The following TRAPPC9 variants were observed in gnomAD, a reference collection of about 807,000 sequenced individuals.
The protein encoded by TRAPPC9 is trafficking protein particle complex subunit 9, also known as IKK2 binding protein.
A neutral mutation model predicts 124.0 loss-of-function variants in TRAPPC9; 83 were observed. The ratio of observed to expected loss-of-function variants is 0.67; its 90% confidence interval spans 0.56 to 0.80. The LOEUF is 0.80. Among genes scored for constraint, TRAPPC9 ranks in the 30% least tolerant of loss-of-function variants. TRAPPC9 has a pLI of 0.00. For missense variants in TRAPPC9, 1,302 were observed against 1,508.3 expected, an observed-to-expected ratio of 0.86 and a Z score of 2.27; for synonymous variants, 638 against 617.5, an observed-to-expected ratio of 1.03 and a Z score of -0.49.
chr8:139,967,020 A>G (rs73725343), intron 19 of TRAPPC9, among the ~76,000 whole-genome samples: 2,863 of 152,346 alleles, frequency 0.019, 83 homozygotes, highest in African/African-American at 0.065. Flanking sequence ...AGTTTTAATA[A>G]GCATGGTAGT....
At chr8:140,446,611 T>G (rs181405914) in intron 2 of TRAPPC9, among the ~76,000 whole-genome samples, 2 of 152,068 alleles carry the variant, frequency 1.3e-5, no homozygotes, top group African/African-American at 4.8e-5. Flanking sequence ...TAGAGTGCAA[T>G]GGCATGAGCT....
chr8:140,060,596 A>T (rs1587618055), intron 17 of TRAPPC9, among the ~76,000 whole-genome samples: 1 of 95,164 alleles, frequency 1.1e-5, no homozygotes, highest in Non-Finnish European at 2.1e-5. Context: ...ACCCAACCCT[A>T]CCCATCCCTA....
rs115713055 is a variant in TRAPPC9, at chr8:140,393,880, C to T, written c.1134+3740G>A. 6.2e-3 allele frequency among the ~76,000 whole-genome samples: 948 copies of T among 152,296 alleles called. 14 individuals carry two copies. Among genetic ancestry groups the T allele is most frequent in the African/African-American group, 0.021 (856 of 41,562 alleles). On this transcript the variant is annotated intron_variant, in intron 7 of 22. Transcript: ENST00000438773. The stretch of plus-strand genomic sequence containing the variant: ...GCTGCCTGCTCATCTGGCAAACAAA[C>T]ATGGAGATGAGTCAACTCAAGCCAA...
intron 14 of TRAPPC9, among the ~76,000 whole-genome samples, chr8:140,282,275 G>C (rs150725448): frequency 0.021 from 3,134 of 152,236 alleles, 110 homozygotes; most frequent in African/African-American, 0.069. Context: ...GGCCAAGGTG[G>C]GCAGATCACT....
intron 9 of TRAPPC9, among the ~76,000 whole-genome samples, chr8:140,336,320 T>C (rs570430872): frequency 1.3e-5 from 2 of 152,336 alleles, no homozygotes; most frequent in East Asian, 3.9e-4. Context: ...AGTCTGTGGC[T>C]GCAAGCCAGC....
At chr8:140,451,519 C>G (rs989346012) in intron 1 of TRAPPC9, 136 bp from the exon 2 acceptor site, 18 of 740,896 alleles carry the variant, frequency 2.4e-5, no homozygotes, top group Middle Eastern at 3.2e-4. Context: ...ATCAACAGGT[C>G]TTAGGGCTCT....
chr8:140,345,804 T>C (rs2067332396), intron 9 of TRAPPC9, among the ~76,000 whole-genome samples: 1 of 152,098 alleles, frequency 6.6e-6, no homozygotes. Context: ...GTTCCTGCAG[T>C]CACCACGGAA....
At chr8:140,393,036 TATTTTA>T (rs1461394571) in intron 7 of TRAPPC9, among the ~76,000 whole-genome samples, 17 of 26,870 alleles carry the variant, frequency 6.3e-4, no homozygotes, top group African/African-American at 2.1e-3. Flanking sequence ...ATTTTATTTT[TATTTTA>T]TTTTATTTTA....
rs572373275 is a variant in TRAPPC9 at position 140,346,433 on chromosome 8, G to A, written c.1495+13617C>T. 1.2e-4 allele frequency among the ~76,000 whole-genome samples: 18 copies of A among 152,286 alleles called. No homozygotes were observed. In the South Asian group the frequency reaches 2.5e-3, roughly 21 times the overall value. On this transcript the variant is annotated intron_variant, in intron 9 of 22. Transcript: ENST00000438773. Reference sequence around the variant, plus strand: ...AGCTCCTCCTTGTCCCTTATTATCCGAACAGTACTCCTAGAACCCGTCAAA... The same window carrying A: ...AGCTCCTCCTTGTCCCTTATTATCCAAACAGTACTCCTAGAACCCGTCAAA...
At chr8:140,076,453 G>C (rs1211281837) in intron 17 of TRAPPC9, among the ~76,000 whole-genome samples, 3 of 152,162 alleles carry the variant, frequency 2.0e-5, no homozygotes, top group Non-Finnish European at 4.4e-5. Context: ...GAAAAAGCCA[G>C]GATCTAGCTA....
At chr8:140,222,186 T>C (rs1334172106) in intron 16 of TRAPPC9, among the ~76,000 whole-genome samples, 3 of 152,118 alleles carry the variant, frequency 2.0e-5, no homozygotes, top group South Asian at 2.1e-4. Context: ...CAGCTCTCTC[T>C]TGCCGCTTGA....
intron 19 of TRAPPC9, among the ~76,000 whole-genome samples, chr8:139,935,257 A>G (rs934005079): frequency 6.6e-6 from 1 of 152,128 alleles, no homozygotes; most frequent in Non-Finnish European, 1.5e-5. Flanking sequence ...AGGAGAGGGG[A>G]AAGATTTCTA....
chr8:140,402,511 T>A (rs1474321834), intron 6 of TRAPPC9, among the ~76,000 whole-genome samples: 1 of 151,468 alleles, frequency 6.6e-6, no homozygotes, highest in Non-Finnish European at 1.5e-5. Context: ...CTGGGCAACA[T>A]GGTAAAACCC....
chr8:140,080,151 C>T (rs1191946496), intron 17 of TRAPPC9, among the ~76,000 whole-genome samples: 1 of 152,140 alleles, frequency 6.6e-6, no homozygotes, highest in Non-Finnish European at 1.5e-5. Flanking sequence ...CATACAAGGT[C>T]ATAGAAGGCA....
At chr8:140,384,549 C>A (rs549077298) in intron 7 of TRAPPC9, among the ~76,000 whole-genome samples, 1 of 152,172 alleles carries the variant, frequency 6.6e-6, no homozygotes, top group African/African-American at 2.4e-5. Context: ...CAACAAAGAT[C>A]AAAAGAGACA....
chr8:139,768,417 G>A (rs1283993891), intron 21 of TRAPPC9, among the ~76,000 whole-genome samples: 2 of 152,198 alleles, frequency 1.3e-5, no homozygotes, highest in East Asian at 3.9e-4. Context: ...ACCCACCAGT[G>A]GTGGGCCAGG....
Position 140,283,886 on chromosome 8 carries a change from T to C in TRAPPC9, c.2114+3A>G. The C allele has an allele frequency of 6.2e-7, 1 of 1,613,568 alleles. No individual in the cohort carries two copies. The stretch of plus-strand genomic sequence containing the variant: ...TCTGCTCTGTGACCCTCGTGCACAC[T>C]ACCTGGGCAGAGAGGTGCTGATCTG... On this transcript the variant is annotated splice_donor_region_variant and intron_variant, in intron 14 of 22. Coordinates refer to ENST00000438773, the MANE Select transcript of TRAPPC9 (RefSeq NM_001160372.4).
Position 140,353,616 on chromosome 8 carries a change from C to T in TRAPPC9, c.1495+6434G>A, listed in dbSNP as rs1028209855. Among the ~76,000 whole-genome samples, 2 of 152,204 alleles carry T rather than the reference C, an allele frequency of 1.3e-5. No individual in the cohort carries two copies. Among genetic ancestry groups the T allele is most frequent in the African/African-American group, 4.8e-5 (2 of 41,448 alleles). On this transcript the variant is annotated intron_variant, in intron 9 of 22. Coordinates refer to ENST00000438773, the MANE Select transcript of TRAPPC9 (RefSeq NM_001160372.4). The surrounding 1 kb of genome is among the most constrained non-coding windows in gnomAD (Gnocchi z 4.2). ...CAGTAACTGTAAATTCATCCTGAAA[C>T]GGCCAGCGCAAGGATGACCATCAGG...
intron 17 of TRAPPC9, among the ~76,000 whole-genome samples, chr8:140,159,467 C>A (rs1171754244): frequency 6.6e-6 from 1 of 152,176 alleles, no homozygotes; most frequent in Non-Finnish European, 1.5e-5. Context: ...GTCTCCTCTG[C>A]AAAGGTCTGC....
Sources: gnomAD v4.1 joint callset for allele counts (sites outside exome capture counted in the v4.1 genomes callset) on GRCh38, gnomAD v4.1.1 for gene constraint, Gnocchi (gnomAD v3.1) non-coding constraint, MANE v1.5 for transcripts, NCBI Gene and HGNC (gene_info 2026-07-23, HGNC 2026-07-21) for gene names.